The following PTPRS variants were observed in gnomAD, a reference collection of about 807,000 sequenced individuals.
The protein encoded by PTPRS is protein tyrosine phosphatase receptor type S.
In PTPRS, 63 loss-of-function variants were observed where a neutral mutation model predicts 215.3. The ratio of observed to expected loss-of-function variants is 0.29; its 90% CI spans 0.24 to 0.36. The LOEUF (loss-of-function observed/expected upper bound fraction) is 0.36, where lower values mean the gene tolerates loss of function less well. Among genes scored for constraint, PTPRS ranks in the 10% least tolerant of loss-of-function variants. The pLI is 1.00. For missense variants in PTPRS, 2,258 were observed against 2,825.8 expected (o/e 0.80, Z 4.56); for synonymous variants, 1,404 against 1,191.4 (o/e 1.18, Z -3.68).
At chr19:5,215,700 G>A (rs1306166203) in intron 26 of PTPRS, 105 bp from the exon 27 acceptor site, 27 of 818,836 alleles carry the variant, frequency 3.3e-5, no homozygotes, top group Non-Finnish European at 4.6e-5. Context: ...GGTGAGCTGT[G>A]GTTAGAAGGG....
intron 25 of PTPRS, among the ~76,000 whole-genome samples, chr19:5,217,487 T>C (rs967904797): frequency 6.6e-6 from 1 of 151,694 alleles, no homozygotes; most frequent in African/African-American, 2.4e-5. Flanking sequence ...TAAATACTAA[T>C]GGTCAAACTC....
intron 1 of PTPRS, among the ~76,000 whole-genome samples, chr19:5,323,176 G>A (rs886665844): frequency 4.1e-4 from 63 of 151,962 alleles, no homozygotes; most frequent in African/African-American, 1.5e-3. Flanking sequence ...GACCAACATG[G>A]CAAAACCCCA....
At chr19:5,311,116 G>A (rs2049688185) in intron 1 of PTPRS, among the ~76,000 whole-genome samples, 1 of 152,098 alleles carries the variant, frequency 6.6e-6, no homozygotes, top group African/African-American at 2.4e-5. Flanking sequence ...CTGACCTCGT[G>A]ATCCACCTGA....
chr19:5,278,504 G>A (rs1471249429), intron 2 of PTPRS, among the ~76,000 whole-genome samples: 1 of 151,998 alleles, frequency 6.6e-6, no homozygotes, highest in South Asian at 2.1e-4. Flanking sequence ...CTGCGGCAGG[G>A]TCTCACTCCG....
intron 1 of PTPRS, among the ~76,000 whole-genome samples, chr19:5,336,190 G>A (rs2147315619): frequency 7.1e-6 from 1 of 141,366 alleles, no homozygotes; most frequent in Admixed American, 7.7e-5. Flanking sequence ...CCAGAGACAA[G>A]ACAGAAATGG....
rs750520001 is a variant in PTPRS, at chr19:5,258,003, G to A, written c.706+14C>T. ...GCGGGTCCCTGCCTTTGACCTGGAC[G>A]CGGCGTTCCCTACCTCGCACGTAGA... On this transcript the variant is annotated intron_variant, in intron 8 of 37. Coordinates refer to ENST00000262963, the MANE Select transcript of PTPRS (RefSeq NM_002850.4). 1.3e-5 allele frequency: 21 copies of A among 1,607,868 alleles called. No individual in the cohort carries two copies. In the Admixed American group the frequency reaches 1.5e-4, roughly 11 times the overall value.
intron 9 of PTPRS, among the ~76,000 whole-genome samples, chr19:5,248,286 A>G (rs1324941051): frequency 6.6e-6 from 1 of 152,152 alleles, no homozygotes; most frequent in Non-Finnish European, 1.5e-5. Context: ...AACAAATGAA[A>G]TAACAAAGCA....
chr19:5,256,074 G>C (rs925377495), intron 9 of PTPRS, 34 bp downstream of exon 9: 3 of 1,500,018 alleles, frequency 2.0e-6, no homozygotes, highest in Non-Finnish European at 1.8e-6. Context: ...AAAAATGTGG[G>C]TAAAGAAAGT....
At chr19:5,306,348 T>C (rs1236447055) in intron 1 of PTPRS, among the ~76,000 whole-genome samples, 1 of 152,136 alleles carries the variant, frequency 6.6e-6, no homozygotes, top group Non-Finnish European at 1.5e-5. Context: ...TTTCACCATG[T>C]TGGCCAGGCT....
intron 1 of PTPRS, among the ~76,000 whole-genome samples, chr19:5,331,274 G>T (rs755038563): frequency 6.6e-6 from 1 of 151,538 alleles, no homozygotes; most frequent in African/African-American, 2.4e-5. Flanking sequence ...GGGACCGTAC[G>T]TGTGCACCCC....
At chr19:5,214,264 G>A (rs545405699) in intron 30 of PTPRS, 97 bp downstream of exon 30, 3 of 1,535,858 alleles carry the variant, frequency 2.0e-6, no homozygotes, top group Non-Finnish European at 2.7e-6. Context: ...CTTTCTCTCT[G>A]TCCCATGGGG....
intron 4 of PTPRS, 159 bp downstream of exon 4, chr19:5,273,283 T>C (rs1250674323): frequency 1.1e-6 from 1 of 937,564 alleles, no homozygotes; most frequent in Non-Finnish European, 1.7e-6. Flanking sequence ...CAGTAGGCGC[T>C]GGGCCCTGAG....
chr19:5,222,779 C>A lies in PTPRS; in HGVS notation c.3013G>T (p.Ala1005Ser), dbSNP rs762127352. The change falls in exon 18 of 38, where the codon GCC becomes TCC. Residue 1005 changes from alanine (A) to serine (S), a missense_variant. Coordinates refer to ENST00000262963, the MANE Select transcript of PTPRS (RefSeq NM_002850.4). ...TGGGCTCGCACTTGGAGGTCATAGG[C>A]CGTGTCGGGCTTCAGGCCCTGCAGC... ...LTLQGLKPDT[A>S]YDLQVRAHTR... 6.3e-7 allele frequency: 1 copy of A among 1,598,826 alleles called. No individual in the cohort carries two copies. Among genetic ancestry groups the A allele is most frequent in the East Asian group, 2.2e-5 (1 of 44,768 alleles).
chr19:5,229,214 G>A lies in PTPRS; in HGVS notation c.2376+102C>T, dbSNP rs1363747083. On this transcript the variant is annotated intron_variant, in intron 16 of 37. Coordinates refer to ENST00000262963, the MANE Select transcript of PTPRS (RefSeq NM_002850.4). ...GCGCATGGGAGGGCCCAGAGGAGGA[G>A]ACCGTTTTACTACTGATGATAAGGG... 4.9e-6 allele frequency: 6 copies of A among 1,228,248 alleles called. No homozygotes were observed. The Admixed American group carries it at 2.0e-4, about 41-fold the overall frequency. The allele number at this position is 1,228,248 out of a possible 1,614,324, so 76.1% of individuals were successfully genotyped here. A position where few individuals can be genotyped will look rare whatever the true frequency, so the allele number is the denominator to read the frequency against.
Position 5,257,180 on chromosome 19 carries a change from G to C in PTPRS, c.706+837C>G, listed in dbSNP as rs1045374223. On this transcript the variant is annotated intron_variant, in intron 8 of 37. Coordinates refer to ENST00000262963, the MANE Select transcript of PTPRS (RefSeq NM_002850.4). The surrounding 1 kb of genome is among the most constrained non-coding windows in gnomAD (Gnocchi z 4.4). Reference sequence around the variant, plus strand: ...GGCCAACGGAGGCATCTGGGGGCAAGGGAGCCCCCTGGCACCTTTGAGGCA... The same window carrying C: ...GGCCAACGGAGGCATCTGGGGGCAACGGAGCCCCCTGGCACCTTTGAGGCA... Among the ~76,000 whole-genome samples, 2 of 151,124 alleles carry C rather than the reference G, an allele frequency of 1.3e-5. No homozygotes were observed. Among genetic ancestry groups the C allele is most frequent in the African/African-American group, 4.9e-5 (2 of 41,060 alleles).
chr19:5,206,822 G>A lies in PTPRS; in HGVS notation c.5799C>T (p.Tyr1933=). The A allele has an allele frequency of 6.2e-7, 1 of 1,614,140 alleles. No homozygotes were observed. Among genetic ancestry groups the A allele is most frequent in the Non-Finnish European group, 8.5e-7 (1 of 1,179,990 alleles). The change falls in exon 38 of 38, where the codon TAC becomes TAT. Residue 1933 remains tyrosine, a synonymous_variant. Transcript: ENST00000262963. ...TTCCGAGGTACTCCAGTGCCGCCTG[G>A]TAACAGAACTGGTACTCATCCTGGG... ...VQTEDEYQFC[Y]QAALEYLGSF... is the part of the protein sequence containing the mutation.
In PTPRS at chr19:5,231,520, C is replaced by G. The variant is rs767837276; in HGVS notation, c.1945G>C (p.Gly649Arg). 1 of 1,611,748 alleles carries G rather than the reference C, an allele frequency of 6.2e-7. No homozygotes were observed. ...CGGACGCTGTAGCCCACCAGGGCCC[C>G]GTTGTGCGTTTCCGGCGGCGGCGGG... ...WRPPPPETHN[G>R]ALVGYSVRYR... The change falls in exon 14 of 38, where the codon GGG (glycine) becomes CGG (arginine). Residue 649 changes from glycine to arginine, a missense_variant. By Grantham distance (125) the Gly-to-Arg change is moderately radical (BLOSUM62 -2). Transcript: ENST00000262963.
chr19:5,340,047 AG>A (rs1033238282), intron 1 of PTPRS, among the ~76,000 whole-genome samples: 1 of 151,734 alleles, frequency 6.6e-6, no homozygotes, highest in African/African-American at 2.4e-5. Flanking sequence ...GGAGTGTTCC[AG>A]GGGAGACGGC....
chr19:5,211,641 C>T lies in PTPRS; in HGVS notation c.5183G>A (p.Arg1728Gln), dbSNP rs369364998. Residue 1728 changes from arginine to glutamine, a missense_variant, in exon 33 of 38, where the codon CGG becomes CAG. By Grantham distance (43) the Arg-to-Gln change is conservative (BLOSUM62 1). This residue lies in a region of PTPRS where 927 missense variants were observed against 1,125.9 expected (regional missense o/e 0.82). Coordinates refer to ENST00000262963, the MANE Select transcript of PTPRS (RefSeq NM_002850.4). ...GATGTAGTCAGAGCCCTCCACACCC[C>T]GGATGGGTTGCAGACAGACCCGTGT... is the stretch of plus-strand genomic sequence containing the variant. ...ESTRVCLQPI[R>Q]GVEGSDYINA... 8.7e-6 allele frequency: 14 copies of T among 1,613,860 alleles called. No homozygotes were observed. The highest frequency in any genetic ancestry group is 5.3e-5 in the African/African-American group (4 of 74,910).
Sources: gnomAD v4.1 joint callset for allele counts (sites outside exome capture counted in the v4.1 genomes callset) on GRCh38, gnomAD v4.1.1 for gene constraint, gnomAD v4.1.1 regional missense constraint, Gnocchi (gnomAD v3.1) non-coding constraint, MANE v1.5 for transcripts, NCBI Gene and HGNC (gene_info 2026-07-23, HGNC 2026-07-21) for gene names.